CWH43: variants seen among roughly 807,000 people sequenced by gnomAD.
The protein encoded by CWH43 is cell wall biogenesis 43 C-terminal homolog, also known as PGAP2-interacting protein.
In CWH43, 91 loss-of-function variants were observed where a neutral mutation model predicts 85.7. The observed-to-expected ratio is 1.06, with a 90% CI of 0.90 to 1.26. The LOEUF (loss-of-function observed/expected upper bound fraction) is 1.26, where lower values mean the gene tolerates loss of function less well. Ranked by LOEUF, CWH43 falls within the 50% of genes most tolerant of loss-of-function variation. The probability of loss-of-function intolerance (pLI) is 0.00; values close to 1 mark genes in which losing one functional copy is unlikely to be tolerated. For missense variants in CWH43, 869 were observed against 839.2 expected (o/e 1.04, Z -0.44); for synonymous variants, 323 against 293.6 (o/e 1.10, Z -1.02).
intron 8 of CWH43, among the ~76,000 whole-genome samples, chr4:49,009,907 T>G (rs781301428): frequency 8.5e-5 from 13 of 152,222 alleles, no homozygotes; most frequent in East Asian, 1.9e-4. Context: ...TTCACAGTGA[T>G]GTATATCAGG....
chr4:49,004,093 G>T, intron 7 of CWH43, 101 bp downstream of exon 7: 2 of 1,069,182 alleles, frequency 1.9e-6, no homozygotes, highest in Non-Finnish European at 2.6e-6. Context: ...AAATAAGCAG[G>T]ATGATCTAGC....
chr4:49,009,489 C>G (rs1333010430), intron 8 of CWH43, among the ~76,000 whole-genome samples: 1 of 152,172 alleles, frequency 6.6e-6, no homozygotes, highest in Non-Finnish European at 1.5e-5. Context: ...CCTGATTGCC[C>G]TGGCCAGAAC....
chr4:49,008,456 C>T (rs1783241261), intron 8 of CWH43, among the ~76,000 whole-genome samples: 1 of 152,086 alleles, frequency 6.6e-6, no homozygotes, highest in Non-Finnish European at 1.5e-5. Context: ...GTTTCTTTTG[C>T]TGTGCAGAAG....
intron 7 of CWH43, among the ~76,000 whole-genome samples, chr4:49,004,211 T>G (rs1577663207): frequency 6.6e-6 from 1 of 152,222 alleles, no homozygotes. Context: ...TCTGTAATAC[T>G]TATTACTACA....
In CWH43 at chr4:49,002,150, T is replaced by A. The variant is rs186352476; in HGVS notation, c.803-1585T>A. ...AAAGCAACTGGTCACAAGTCATGAC[T>A]TTAAAATACTTATGCCCCTTGACAT... On this transcript the variant is annotated intron_variant, in intron 6 of 15. Transcript: ENST00000226432. 1.3e-3 allele frequency among the ~76,000 whole-genome samples: 194 copies of A among 152,250 alleles called. 1 individual carries two copies. Among genetic ancestry groups the A allele is most frequent in the African/African-American group, 4.5e-3 (188 of 41,570 alleles).
chr4:49,005,316 A>C (rs765934719), intron 7 of CWH43, among the ~76,000 whole-genome samples: 1 of 152,104 alleles, frequency 6.6e-6, no homozygotes. Flanking sequence ...GACAGGGTAC[A>C]TTGTATCCAT....
chr4:49,005,663 C>A (rs753729693), intron 7 of CWH43, among the ~76,000 whole-genome samples: 1 of 151,390 alleles, frequency 6.6e-6, no homozygotes, highest in East Asian at 1.9e-4. Flanking sequence ...CCCTCAACCT[C>A]CCAAGTAGCT....
rs1577697267 is a variant in CWH43, at chr4:49,038,189, A to C, written c.1803+9A>C. The C allele has an allele frequency of 6.5e-7, 1 of 1,533,096 alleles. No individual in the cohort carries two copies. Among genetic ancestry groups the C allele is most frequent in the Non-Finnish European group, 8.8e-7 (1 of 1,137,766 alleles). The allele number at this position is 1,533,096 out of a possible 1,614,324, so 95.0% of individuals were successfully genotyped here. A position where few individuals can be genotyped will look rare whatever the true frequency, so the allele number is the denominator to read the frequency against. ...AACATGGCAATGTGAAGGTAACATA[A>C]TCTTAATAGGATTTCTAATTTATTA... On this transcript the variant is annotated intron_variant, in intron 13 of 15. Transcript: ENST00000226432.
chr4:49,060,179 T>C (rs1055500644), intron 15 of CWH43, among the ~76,000 whole-genome samples: 4 of 151,478 alleles, frequency 2.6e-5, no homozygotes, highest in African/African-American at 9.7e-5. Flanking sequence ...CTGGAGCTGG[T>C]TGCATAGGGG....
chr4:49,054,601 A>G (rs1784896355), intron 15 of CWH43, among the ~76,000 whole-genome samples: 2 of 152,150 alleles, frequency 1.3e-5, no homozygotes, highest in Non-Finnish European at 2.9e-5. Flanking sequence ...TTTTGGTAGT[A>G]TGAATATTTT....
In CWH43 at chr4:49,028,696, C is replaced by T. The variant is rs1264457969; in HGVS notation, c.1334C>T (p.Ser445Phe). 1 of 1,613,692 alleles carries T rather than the reference C, an allele frequency of 6.2e-7. No individual in the cohort carries two copies. Among genetic ancestry groups the T allele is most frequent in the Non-Finnish European group, 8.5e-7 (1 of 1,179,650 alleles). ...TTTGGATATGACAATGAAGGGTGGTCTAGTCTAGAAAGATCAGCTCACCTG... is the reference window on the plus strand; with the variant it reads ...TTTGGATATGACAATGAAGGGTGGTTTAGTCTAGAAAGATCAGCTCACCTG... The part of the protein sequence containing the change: ...FRFGYDNEGW[S>F]SLERSAHLLN... Residue 445 changes from serine (S) to phenylalanine (F), a missense_variant, in exon 10 of 16, where the codon TCT becomes TTT. Ser to Phe is a radical substitution (Grantham distance 155). This residue lies in a region of CWH43 where 577 missense variants were observed against 513.1 expected (regional missense o/e 1.12). Transcript: ENST00000226432.
At chr4:49,012,668 C>T (rs1783401825) in intron 8 of CWH43, among the ~76,000 whole-genome samples, 1 of 152,202 alleles carries the variant, frequency 6.6e-6, no homozygotes, top group African/African-American at 2.4e-5. Context: ...GTGTGGATGT[C>T]CTTTTTGTTG....
At chr4:49,054,188 G>A (rs1332943056) in intron 15 of CWH43, among the ~76,000 whole-genome samples, 5 of 152,036 alleles carry the variant, frequency 3.3e-5, no homozygotes. Context: ...TTTGTATATG[G>A]TATGAGGTAA....
chr4:48,988,047 G>T (rs1214995897), intron 1 of CWH43, among the ~76,000 whole-genome samples: 5 of 152,178 alleles, frequency 3.3e-5, no homozygotes, highest in Non-Finnish European at 5.9e-5. Context: ...AGCCATATGG[G>T]CAAGGGAAAG....
chr4:49,039,352 G>GAT (rs1254187084), intron 13 of CWH43, among the ~76,000 whole-genome samples: 584 of 5,768 alleles, frequency 0.1, 31 homozygotes, highest in Middle Eastern at 0.5. Flanking sequence ...TATATATACT[G>GAT]ATATATATAT....
chr4:49,028,905 G>A (rs1256973317), intron 10 of CWH43, among the ~76,000 whole-genome samples, 171 bp downstream of exon 10: 1 of 152,186 alleles, frequency 6.6e-6, no homozygotes, highest in Non-Finnish European at 1.5e-5. Flanking sequence ...GCTGCAGGGG[G>A]ACTGAGCTTC....
chr4:49,034,163 T>C (rs1321330523), intron 12 of CWH43, among the ~76,000 whole-genome samples: 3 of 152,192 alleles, frequency 2.0e-5, no homozygotes, highest in Non-Finnish European at 4.4e-5. Context: ...ATGGTTCATA[T>C]CTCTTAAAAA....
At chr4:49,046,812 G>T (rs1327668077) in intron 14 of CWH43, among the ~76,000 whole-genome samples, 2 of 152,178 alleles carry the variant, frequency 1.3e-5, no homozygotes, top group Non-Finnish European at 2.9e-5. Flanking sequence ...TACACAGTGA[G>T]TTGATTCACA....
At chr4:49,020,642 C>T (rs1783723469) in intron 9 of CWH43, among the ~76,000 whole-genome samples, 1 of 152,114 alleles carries the variant, frequency 6.6e-6, no homozygotes, top group Non-Finnish European at 1.5e-5. Flanking sequence ...ACACTGTTTT[C>T]CACAGTGGTT....
Sources: gnomAD v4.1 joint callset for allele counts (sites outside exome capture counted in the v4.1 genomes callset) on GRCh38, gnomAD v4.1.1 for gene constraint, gnomAD v4.1.1 regional missense constraint, MANE v1.5 for transcripts, NCBI Gene and HGNC (gene_info 2026-07-23, HGNC 2026-07-21) for gene names.